The following ANXA1 variants were observed in gnomAD, a reference collection of about 807,000 sequenced individuals.
ANXA1 encodes annexin A1.
In ANXA1, 39 loss-of-function variants were observed where a neutral mutation model predicts 47.9. The ratio of observed to expected loss-of-function variants is 0.81; its 90% confidence interval spans 0.63 to 1.06. ANXA1 has a LOEUF of 1.06. ANXA1 is among the 50% of genes least tolerant of loss of function. The pLI is 0.00. For missense variants in ANXA1, 446 were observed against 422.7 expected, an observed-to-expected ratio of 1.06 and a Z score of -0.48; for synonymous variants, 146 against 142.5, an observed-to-expected ratio of 1.02 and a Z score of -0.17.
chr9:73,154,795 C>T (rs1478045701), intron 1 of ANXA1, among the ~76,000 whole-genome samples: 2 of 152,200 alleles, frequency 1.3e-5, no homozygotes, highest in African/African-American at 4.8e-5. Context: ...ATTCTTGCCA[C>T]TACTAGCAGG....
At chr9:73,153,440 TTTATATAATGCCTTCCTTCA>T (rs1824001329) in intron 1 of ANXA1, among the ~76,000 whole-genome samples, 2 of 152,236 alleles carry the variant, frequency 1.3e-5, no homozygotes, top group Non-Finnish European at 2.9e-5. Flanking sequence ...AACAATCCAA[TTTATATAATGCCTTCCTTCA>T]TTATGCTAAT....
chr9:73,168,218 A>C (rs2118179653), intron 11 of ANXA1: 1 of 152,300 alleles, frequency 6.6e-6, no homozygotes, highest in Non-Finnish European at 1.5e-5. Context: ...GAATATTTTG[A>C]ATATATATGA....
chr9:73,166,823 G>A (rs1387864517), intron 10 of ANXA1, among the ~76,000 whole-genome samples: 1 of 152,158 alleles, frequency 6.6e-6, no homozygotes, highest in Non-Finnish European at 1.5e-5. Context: ...CCCCATTGAT[G>A]CCAATGCTGT....
rs1025883774 is a variant in ANXA1 at position 73,169,153 on chromosome 9, T to G, written c.983T>G (p.Leu328Arg). 29 of 1,606,984 alleles carry G rather than the reference T, an allele frequency of 1.8e-5. No individual in the cohort carries two copies. The highest frequency in any genetic ancestry group is 2.7e-5 in the African/African-American group (2 of 74,662). The stretch of plus-strand genomic sequence containing the variant: ...GGTATCTCCCTTTGCCAAGCCATCC[T>G]GGTATGTTTTGATTCCTCTAATGCC... Reference protein sequence around the residue: ...MYGISLCQAILDETKGDYEKI... With the variant: ...MYGISLCQAIRDETKGDYEKI... Residue 328 changes from leucine to arginine, a missense_variant and splice_region_variant, in exon 12 of 13, where the codon CTG becomes CGG. Physicochemically the swap from Leu to Arg is moderately radical, Grantham distance 102. Transcript: ENST00000257497.
Position 73,158,513 on chromosome 9 carries a change from T to A in ANXA1, c.-14-9T>A. ...GTTTTGTAAAAGCATCTAACTGTTT[T>A]CTTTCCAGACACTTTTTCAAAAATG... is the stretch of plus-strand genomic sequence containing the variant. On this transcript the variant is annotated splice_polypyrimidine_tract_variant and intron_variant, in intron 1 of 12. Coordinates refer to ENST00000257497, the MANE Select transcript of ANXA1 (RefSeq NM_000700.3). 1 of 1,611,744 alleles carries A rather than the reference T, an allele frequency of 6.2e-7. No individual in the cohort carries two copies. Among genetic ancestry groups the A allele is most frequent in the Non-Finnish European group, 8.5e-7 (1 of 1,178,462 alleles).
At chr9:73,163,830 A>T (rs1824184100) in intron 8 of ANXA1, among the ~76,000 whole-genome samples, 1 of 152,184 alleles carries the variant, frequency 6.6e-6, no homozygotes, top group African/African-American at 2.4e-5. Context: ...CTTTCGTTGT[A>T]CTAGGTATAA....
intron 1 of ANXA1, among the ~76,000 whole-genome samples, chr9:73,155,343 T>C (rs1040658605): frequency 2.0e-5 from 3 of 152,140 alleles, no homozygotes; most frequent in African/African-American, 7.2e-5. Flanking sequence ...CTCTTTAAAA[T>C]CTATTGCAAG....
At chr9:73,169,431 T>G (rs1006223541) in intron 12 of ANXA1, among the ~76,000 whole-genome samples, 3 of 152,108 alleles carry the variant, frequency 2.0e-5, no homozygotes, top group Non-Finnish European at 4.4e-5. Context: ...GTGTTCCCCC[T>G]AGGGTAGATA....
At position 73,170,167 on chromosome 9, in the gene ANXA1, A is replaced by G. The variant is rs1000241754; in HGVS notation, c.*60A>G. The stretch of plus-strand genomic sequence containing the variant: ...GACTTTAATTATATATTTTCATCCT[A>G]TAAGCTTAAATAGGAAAGTTTCTTC... On this transcript the variant is annotated 3_prime_UTR_variant, in exon 13 of 13. Coordinates refer to ENST00000257497, the MANE Select transcript of ANXA1 (RefSeq NM_000700.3). 5 of 1,415,250 alleles carry G rather than the reference A, an allele frequency of 3.5e-6. No individual in the cohort carries two copies. In the East Asian group the frequency reaches 7.1e-5, roughly 20 times the overall value. 87.7% of individuals were successfully genotyped at this position (1,415,250 alleles called of 1,614,324 possible).
chr9:73,161,916 A>G (rs1260460336), intron 6 of ANXA1, among the ~76,000 whole-genome samples: 9 of 152,186 alleles, frequency 5.9e-5, no homozygotes, highest in Non-Finnish European at 1.3e-4. Context: ...CTATAAAGAA[A>G]TATCTGAGAC....
chr9:73,165,232 G>C (rs747855478), intron 9 of ANXA1, 23 bp downstream of exon 9: 1 of 1,594,348 alleles, frequency 6.3e-7, no homozygotes, highest in Admixed American at 1.7e-5. Flanking sequence ...TTCTTTTTCT[G>C]GAATCTGTTT....
At chr9:73,164,394 GGAACAA>G (rs1391552765) in intron 8 of ANXA1, among the ~76,000 whole-genome samples, 1 of 152,058 alleles carries the variant, frequency 6.6e-6, no homozygotes, top group Non-Finnish European at 1.5e-5. Flanking sequence ...AGCATATTAA[GGAACAA>G]GAGTTAGCAT....
intron 10 of ANXA1, 97 bp downstream of exon 10, chr9:73,166,289 A>C (rs1041025961): frequency 4.7e-6 from 4 of 850,240 alleles, no homozygotes; most frequent in Middle Eastern, 2.3e-4. Flanking sequence ...AAACCAATAA[A>C]AGAAAACAAA....
chr9:73,168,924 C>T lies in ANXA1; in HGVS notation c.862-108C>T, dbSNP rs76484011. The T allele has an allele frequency of 5.9e-3, 4,730 of 804,600 alleles. 154 individuals carry two copies. In the African/African-American group the frequency reaches 0.081, roughly 14 times the overall value. 49.8% of individuals were successfully genotyped at this position (804,600 alleles called of 1,614,324 possible). A position where few individuals can be genotyped will look rare whatever the true frequency, so the allele number is the denominator to read the frequency against. Reference sequence around the variant, plus strand: ...GTGTGTGTGTGTGTATAGCTAGTTTCTCTATAGAAATTATATGGAAGAGTA... The same window carrying T: ...GTGTGTGTGTGTGTATAGCTAGTTTTTCTATAGAAATTATATGGAAGAGTA... On this transcript the variant is annotated intron_variant, in intron 11 of 12. Transcript: ENST00000257497.
intron 7 of ANXA1, 110 bp from the exon 8 acceptor site, chr9:73,163,366 T>C (rs1824175503): frequency 4.6e-6 from 5 of 1,080,480 alleles, no homozygotes; most frequent in Admixed American, 2.1e-5. Flanking sequence ...AAATGAGTAA[T>C]AGAATACCTT....
chr9:73,161,235 A>C (rs927600240), intron 6 of ANXA1, among the ~76,000 whole-genome samples: 2 of 152,110 alleles, frequency 1.3e-5, no homozygotes, highest in African/African-American at 4.8e-5. Context: ...ATTATTCTGG[A>C]ATGTATTTTA....
chr9:73,165,439 T>C (rs956631375), intron 9 of ANXA1: 9 of 361,838 alleles, frequency 2.5e-5, no homozygotes, highest in Non-Finnish European at 4.5e-5. Flanking sequence ...CATAATTTTG[T>C]TATTTTCACT....
At chr9:73,167,383 T>A (rs910005851) in intron 10 of ANXA1, 114 bp from the exon 11 acceptor site, 1 of 865,966 alleles carries the variant, frequency 1.2e-6, no homozygotes, top group Non-Finnish European at 1.9e-6. Context: ...AGGTGAAGAA[T>A]GATGATGAGG....
chr9:73,165,648 T>G (rs1236509372), intron 9 of ANXA1: 1 of 166,332 alleles, frequency 6.0e-6, no homozygotes, highest in East Asian at 1.8e-4. Flanking sequence ...GAGTGCAAGA[T>G]TTAGCTCTGG....
Sources: allele counts gnomAD v4.1 joint callset (sites outside exome capture counted in the v4.1 genomes callset), GRCh38; gene constraint gnomAD v4.1.1; transcripts MANE v1.5; gene names NCBI Gene and HGNC (gene_info 2026-07-23, HGNC 2026-07-21).